PRELID3A: variants seen among roughly 807,000 people sequenced by gnomAD.
The protein encoded by PRELID3A is PRELI domain containing 3A.
Under a neutral mutation model 23.0 loss-of-function variants are expected in PRELID3A, and 27 were observed. That is an observed-to-expected ratio of 1.17 (90% confidence interval 0.87 to 1.62). The LOEUF is 1.62. Among genes scored for constraint, PRELID3A ranks in the 40% most tolerant of loss-of-function variants. PRELID3A has a pLI of 0.00. For missense variants in PRELID3A, 231 were observed against 231.4 expected, an observed-to-expected ratio of 1.00 and a Z score of 0.01; for synonymous variants, 87 against 86.4, an observed-to-expected ratio of 1.01 and a Z score of -0.04.
chr18:12,429,763 C>A (rs947798229), intron 6 of PRELID3A, among the ~76,000 whole-genome samples: 4 of 152,244 alleles, frequency 2.6e-5, no homozygotes, highest in Admixed American at 2.6e-4. Context: ...GCGCGAGTGG[C>A]CAGGCCTGTC....
At chr18:12,416,802 T>C (rs537561719) in intron 1 of PRELID3A, among the ~76,000 whole-genome samples, 1,768 of 151,994 alleles carry the variant, frequency 0.012, 36 homozygotes, top group African/African-American at 0.039. Context: ...CCTGCCACCG[T>C]GCCCGGCTAA....
chr18:12,427,118 C>G lies in PRELID3A; in HGVS notation c.362+7C>G. On this transcript the variant is annotated splice_region_variant and intron_variant, in intron 4 of 6. Transcript: ENST00000440960. The stretch of plus-strand genomic sequence containing the variant: ...ATCCAGAGAACCCAGAAATGTGAGT[C>G]ATCTCCTGTGGGATTGACACATTGA... The G allele has an allele frequency of 6.2e-7, 1 of 1,610,912 alleles. No individual in the cohort carries two copies. Among genetic ancestry groups the G allele is most frequent in the African/African-American group, 1.3e-5 (1 of 74,934 alleles).
chr18:12,430,874 G>A (rs1223490920), intron 6 of PRELID3A, among the ~76,000 whole-genome samples: 2 of 149,800 alleles, frequency 1.3e-5, no homozygotes, highest in Non-Finnish European at 3.0e-5. Context: ...GTGTATGTGT[G>A]CTCTGTGATG....
chr18:12,414,229 G>C (rs542571216), intron 1 of PRELID3A, among the ~76,000 whole-genome samples: 1 of 151,954 alleles, frequency 6.6e-6, no homozygotes, highest in African/African-American at 2.4e-5. Context: ...GAGTACTCAG[G>C]GGTCAAGCAG....
intron 2 of PRELID3A, 41 bp downstream of exon 2, chr18:12,420,534 C>G: frequency 6.8e-7 from 1 of 1,463,626 alleles, no homozygotes; most frequent in Non-Finnish European, 9.0e-7. Context: ...GCGCCCGACT[C>G]CCCCACTCCC....
intron 6 of PRELID3A, among the ~76,000 whole-genome samples, chr18:12,430,670 T>C (rs2143411063): frequency 1.8e-5 from 1 of 57,066 alleles, no homozygotes; most frequent in South Asian, 6.2e-4. Flanking sequence ...CATGTTTGTA[T>C]GATGTGTATG....
At chr18:12,425,443 AC>A (rs1174943561) in intron 3 of PRELID3A, among the ~76,000 whole-genome samples, 1 of 134,828 alleles carries the variant, frequency 7.4e-6, no homozygotes, top group Non-Finnish European at 1.6e-5. Context: ...ACATGGTGAA[AC>A]CCCGTCTCTA....
In PRELID3A at chr18:12,426,326, G is replaced by A. The variant is rs9952689; in HGVS notation, c.292-715G>A. 2.1e-3 allele frequency among the ~76,000 whole-genome samples: 314 copies of A among 149,232 alleles called. 3 individuals are homozygous for A. The highest frequency in any genetic ancestry group is 7.3e-3 in the African/African-American group (294 of 40,296). On this transcript the variant is annotated intron_variant, in intron 3 of 6. Transcript: ENST00000440960. ...TCCCAGCACTTTGGGAGGCCAAGGC[G>A]GGCGGATCACGAGGTCAGGAGATCG...
chr18:12,425,081 T>G (rs2030310650), intron 3 of PRELID3A, among the ~76,000 whole-genome samples: 1 of 151,750 alleles, frequency 6.6e-6, no homozygotes, highest in South Asian at 2.1e-4. Context: ...AGGTGGAGGT[T>G]GCAGTGAGCT....
chr18:12,416,019 A>G (rs142028842), intron 1 of PRELID3A, among the ~76,000 whole-genome samples: 21 of 152,312 alleles, frequency 1.4e-4, no homozygotes, highest in African/African-American at 5.1e-4. Context: ...GGGATCTCTG[A>G]GTAGGCAGTT....
Position 12,429,286 on chromosome 18 carries a change from C to T in PRELID3A, c.466-64C>T, listed in dbSNP as rs934780252. On this transcript the variant is annotated intron_variant, in intron 5 of 6. Transcript: ENST00000440960. ...TCTGCAGTTTAGCCTGTGGACTTGT[C>T]GCTTGCTGTCTGCAGCGGGAGGCGG... 54 of 1,422,148 alleles carry T rather than the reference C, an allele frequency of 3.8e-5. No individual in the cohort carries two copies. In the Middle Eastern group the frequency reaches 8.9e-4, roughly 23 times the overall value. 88.1% of individuals were successfully genotyped at this position (1,422,148 alleles called of 1,614,324 possible). A position where few individuals can be genotyped will look rare whatever the true frequency, so the allele number is the denominator to read the frequency against.
At chr18:12,420,078 C>A (rs1026741887) in intron 1 of PRELID3A, 7 of 1,370,706 alleles carry the variant, frequency 5.1e-6, no homozygotes, top group Non-Finnish European at 6.6e-6. Context: ...TTCCTGCCTG[C>A]TGGGCGACAG....
intron 1 of PRELID3A, among the ~76,000 whole-genome samples, chr18:12,417,210 G>A (rs753865339): frequency 1.6e-4 from 24 of 152,090 alleles, no homozygotes; most frequent in South Asian, 2.1e-4. Flanking sequence ...GCCTTGCTTC[G>A]TTGCTCAGAC....
intron 3 of PRELID3A, 39 bp from the exon 4 acceptor site, chr18:12,427,002 C>T: frequency 6.7e-7 from 1 of 1,492,622 alleles, no homozygotes; most frequent in African/African-American, 1.4e-5. Flanking sequence ...AGAAGAAATG[C>T]AAGAGAAATA....
intron 5 of PRELID3A, among the ~76,000 whole-genome samples, chr18:12,428,641 C>T (rs76431133): frequency 0.041 from 6,181 of 152,246 alleles, 146 homozygotes; most frequent in African/African-American, 0.048. Context: ...ATTTGAGAAA[C>T]AGAGATTTGA....
chr18:12,424,076 A>C (rs1321201840), intron 3 of PRELID3A, among the ~76,000 whole-genome samples: 3 of 152,196 alleles, frequency 2.0e-5, no homozygotes, highest in African/African-American at 7.2e-5. Context: ...GACTTCTGCC[A>C]ATGTTCCCTG....
At chr18:12,417,536 C>G (rs1318486018) in intron 1 of PRELID3A, among the ~76,000 whole-genome samples, 3 of 152,196 alleles carry the variant, frequency 2.0e-5, no homozygotes, top group African/African-American at 7.2e-5. Flanking sequence ...GCAAAAATCT[C>G]TCAATGTTTA....
intron 1 of PRELID3A, among the ~76,000 whole-genome samples, chr18:12,408,342 G>T (rs988250170): frequency 9.9e-5 from 15 of 150,934 alleles, no homozygotes; most frequent in African/African-American, 3.7e-4. Context: ...GGCCGGAGCC[G>T]GGGGGGCGGC....
intron 6 of PRELID3A, among the ~76,000 whole-genome samples, chr18:12,430,939 A>G (rs941058225): frequency 7.1e-6 from 1 of 140,378 alleles, no homozygotes; most frequent in Admixed American, 7.2e-5. Flanking sequence ...TGTGATGTGT[A>G]TTGTGTGCTG....
Sources: allele counts gnomAD v4.1 joint callset (sites outside exome capture counted in the v4.1 genomes callset), GRCh38; gene constraint gnomAD v4.1.1; transcripts MANE v1.5; gene names NCBI Gene and HGNC (gene_info 2026-07-23, HGNC 2026-07-21).